Variants in LTBR observed in about 807,000 individuals in gnomAD.
The protein encoded by LTBR is tumor necrosis factor receptor superfamily member 3.
Under a neutral mutation model 45.4 loss-of-function variants are expected in LTBR, and 15 were observed. That is an observed-to-expected ratio of 0.33 (90% CI 0.22 to 0.51). The LOEUF (loss-of-function observed/expected upper bound fraction) is 0.51, where lower values mean the gene tolerates loss of function less well. Among genes scored for constraint, LTBR ranks in the 20% least tolerant of loss-of-function variants. The probability of loss-of-function intolerance (pLI) is 0.97; values close to 1 mark genes in which losing one functional copy is unlikely to be tolerated. For missense variants in LTBR, 450 were observed against 565.5 expected (o/e 0.80, Z 2.07); for synonymous variants, 228 against 231.0 (o/e 0.99, Z 0.12).
In LTBR at chr12:6,388,575, G is replaced by C. The variant is rs1048207646; in HGVS notation, c.775+70G>C. ...GAGGGAGGAATATTCAACTTCCCCG[G>C]TGCAACCCTCCACACCCTCAAGACT... On this transcript the variant is annotated intron_variant, in intron 7 of 9. Transcript: ENST00000228918. This position sits in a 1 kb window ranked among gnomAD's most constrained non-coding sequence, Gnocchi z 4.3. 2.5e-5 allele frequency: 34 copies of C among 1,361,484 alleles called. No homozygotes were observed. Among genetic ancestry groups the C allele is most frequent in the Non-Finnish European group, 3.2e-5 (31 of 954,316 alleles). 84.3% of individuals were successfully genotyped at this position (1,361,484 alleles called of 1,614,324 possible).
chr12:6,379,208 G>A (rs146847815), upstream of LTBR, among the ~76,000 whole-genome samples: 397 of 152,252 alleles, frequency 2.6e-3, 2 homozygotes, highest in African/African-American at 8.7e-3. Context: ...ATTCATCTTG[G>A]TGACCTCAGT....
chr12:6,390,102 T>C lies in LTBR; in HGVS notation c.802-10T>C. 1 of 1,604,916 alleles carries C rather than the reference T, an allele frequency of 6.2e-7. No homozygotes were observed. ...TCATCATTGTTTGGGTCTCCATCTC[T>C]TTCCTGCAGGGAGAGGGACCCAATC... On this transcript the variant is annotated splice_polypyrimidine_tract_variant and intron_variant, in intron 8 of 9. Transcript: ENST00000228918.
upstream of LTBR, among the ~76,000 whole-genome samples, chr12:6,380,282 C>T (rs1417923828): frequency 2.6e-5 from 4 of 152,218 alleles, no homozygotes; most frequent in Non-Finnish European, 5.9e-5. Flanking sequence ...AAAAGGACAA[C>T]CCTCATCTGT....
chr12:6,382,753 C>A (rs921625877), upstream of LTBR, among the ~76,000 whole-genome samples: 2 of 152,222 alleles, frequency 1.3e-5, no homozygotes, highest in Non-Finnish European at 2.9e-5. Context: ...AGACATCAGA[C>A]CTGAAGTTAG....
chr12:6,385,181 C>T (rs757847743), intron 3 of LTBR, 34 bp downstream of exon 3: 27 of 1,614,036 alleles, frequency 1.7e-5, no homozygotes, highest in Non-Finnish European at 1.9e-5. Context: ...GGGGCTGGAT[C>T]CCCTGGAGCT....
intron 8 of LTBR, 141 bp from the exon 9 acceptor site, chr12:6,389,967 AAGAG>A (rs1210686041): frequency 1.9e-5 from 12 of 639,188 alleles, no homozygotes; most frequent in Non-Finnish European, 2.2e-5. Flanking sequence ...GAAAGAAAGA[AAGAG>A]AGAGAGAGAA....
chr12:6,390,543 C>T (rs746792279), intron 9 of LTBR, 117 bp from the exon 10 acceptor site: 2 of 1,136,022 alleles, frequency 1.8e-6, no homozygotes, highest in Non-Finnish European at 2.5e-6. Context: ...AATAAACCAG[C>T]AGCAAGCAGG....
Position 6,386,946 on chromosome 12 carries a change from TG to T in LTBR, c.667+505del. 1 of 153,354 alleles carries T rather than the reference TG, an allele frequency of 6.5e-6. No individual in the cohort carries two copies. Among genetic ancestry groups the T allele is most frequent in the East Asian group, 1.9e-4 (1 of 5,234 alleles). The allele number at this position is 153,354 out of a possible 1,614,324, so 9.5% of individuals were successfully genotyped here. ...TTGGCAGAAGGTTCACTGTGTGTGT[TG>T]GGCACTCTGTAACCACTTTACATTT... is the stretch of plus-strand genomic sequence containing the variant. On this transcript the variant is annotated intron_variant, in intron 6 of 9. Coordinates refer to ENST00000228918, the MANE Select transcript of LTBR (RefSeq NM_002342.3). The surrounding 1 kb of genome is among the most constrained non-coding windows in gnomAD (Gnocchi z 4.1).
At chr12:6,377,061 T>C in intron 1 of LTBR, 1 of 543,230 alleles carries the variant, frequency 1.8e-6, no homozygotes. Flanking sequence ...CAGGAAGCCT[T>C]CCCAGAGAAG....
chr12:6,388,547 C>A lies in LTBR; in HGVS notation c.775+42C>A. On this transcript the variant is annotated intron_variant, in intron 7 of 9. Coordinates refer to ENST00000228918, the MANE Select transcript of LTBR (RefSeq NM_002342.3). The surrounding 1 kb of genome is among the most constrained non-coding windows in gnomAD (Gnocchi z 4.3). ...TGCAGTGGATGGTTGGCAATGGGAG[C>A]CGGAGGGAGGAATATTCAACTTCCC... is the stretch of plus-strand genomic sequence containing the variant. 6.5e-7 allele frequency: 1 copy of A among 1,544,452 alleles called. No individual in the cohort carries two copies. Among genetic ancestry groups the A allele is most frequent in the Non-Finnish European group, 8.9e-7 (1 of 1,117,510 alleles).
upstream of LTBR, among the ~76,000 whole-genome samples, chr12:6,379,701 C>A (rs185039650): frequency 3.2e-3 from 489 of 151,920 alleles, 1 homozygote; most frequent in African/African-American, 0.011. Flanking sequence ...GAGGCCGAGG[C>A]GGGTGGATCA....
Position 6,390,772 on chromosome 12 carries a change from C to G in LTBR, c.1143C>G (p.Thr381=). ...CGGGTCCTGGAGACCTCCCAGCTAC[C>G]CCCGAACCTCCATACCCCATTCCCG... is the stretch of plus-strand genomic sequence containing the variant. The part of the protein sequence containing the change: ...GPPGPGDLPA[T]PEPPYPIPEE... Residue 381 remains threonine (T), a synonymous_variant, in exon 10 of 10, where the codon ACC becomes ACG. Transcript: ENST00000228918. The G allele has an allele frequency of 6.3e-7, 1 of 1,589,030 alleles. No homozygotes were observed. The highest frequency in any genetic ancestry group is 8.6e-7 in the Non-Finnish European group (1 of 1,167,588).
At chr12:6,375,967 TG>T in intron 1 of LTBR, 1 of 910,752 alleles carries the variant, frequency 1.1e-6, no homozygotes, top group Non-Finnish European at 1.3e-6. Context: ...TAGAGGCAGG[TG>T]GGGGGCAGTG....
chr12:6,375,520 G>C, exon 1 of LTBR: 1 of 1,535,470 alleles, frequency 6.5e-7, no homozygotes, highest in Non-Finnish European at 8.7e-7. Context: ...AGGTGCAGCG[G>C]CCTGGCTGGG....
At position 6,384,198 on chromosome 12, in the gene LTBR, A is replaced by T; in HGVS notation, c.-161A>T. ...CTGAGCTCCGCCATGGGAGCCCTGG[A>T]GGCCCGGCCTGGCCGCTCCCGGCCC... On this transcript the variant is annotated 5_prime_UTR_variant, in exon 1 of 10. Transcript: ENST00000228918. The T allele has an allele frequency of 1.5e-6, 2 of 1,309,108 alleles. No individual in the cohort carries two copies. The highest frequency in any genetic ancestry group is 1.9e-6 in the Non-Finnish European group (2 of 1,033,338). The allele number at this position is 1,309,108 out of a possible 1,614,324, so 81.1% of individuals were successfully genotyped here.
In LTBR at chr12:6,375,503, A is replaced by G. The variant is rs772498945; in HGVS notation, c.-53A>G. ...GGCAGCCAAACCTCTCCTCCCCCTC[A>G]CCTGACAGGTGCAGCGGCCTGGCTG... is the stretch of plus-strand genomic sequence containing the variant. On this transcript the variant is annotated 5_prime_UTR_variant, in exon 1 of 10. Transcript: ENST00000539925. The G allele has an allele frequency of 1.7e-3, 2,670 of 1,531,786 alleles. 1 individual carries two copies. The highest frequency in any genetic ancestry group is 2.2e-3 in the Non-Finnish European group (2,479 of 1,145,064). The allele number at this position is 1,531,786 out of a possible 1,614,324, so 94.9% of individuals were successfully genotyped here.
At chr12:6,383,669 G>C (rs1404089174), upstream of LTBR, among the ~76,000 whole-genome samples, 1 of 152,168 alleles carries the variant, frequency 6.6e-6, no homozygotes, top group Admixed American at 6.5e-5. Flanking sequence ...GGGGCTGGCT[G>C]ATTTGCTAGT....
chr12:6,387,266 A>T (rs1949060205), intron 6 of LTBR: 1 of 152,230 alleles, frequency 6.6e-6, no homozygotes, highest in African/African-American at 2.4e-5. Context: ...ATCCTCCCGG[A>T]CATTTTCTAT....
Position 6,390,820 on chromosome 12 carries a change from C to G in LTBR, c.1191C>G (p.Pro397=). Reference sequence around the variant, plus strand: ...CCGAAGAGGGGGACCCTGGCCCTCCCGGGCTCTCTACACCCCACCAGGAAG... The same window carrying G: ...CCGAAGAGGGGGACCCTGGCCCTCCGGGGCTCTCTACACCCCACCAGGAAG... ...PIPEEGDPGP[P]GLSTPHQEDG... Residue 397 remains proline, a synonymous_variant, in exon 10 of 10, where the codon CCC becomes CCG. Coordinates refer to ENST00000228918, the MANE Select transcript of LTBR (RefSeq NM_002342.3). 6.2e-7 allele frequency: 1 copy of G among 1,611,564 alleles called. No individual in the cohort carries two copies. The highest frequency in any genetic ancestry group is 8.5e-7 in the Non-Finnish European group (1 of 1,178,704).
Sources: gnomAD v4.1 joint callset for allele counts (sites outside exome capture counted in the v4.1 genomes callset) on GRCh38, gnomAD v4.1.1 for gene constraint, Gnocchi (gnomAD v3.1) non-coding constraint, MANE v1.5 for transcripts, NCBI Gene and HGNC (gene_info 2026-07-23, HGNC 2026-07-21) for gene names.